The following TYW1B variants were observed in gnomAD, a reference collection of about 807,000 sequenced individuals.
The protein encoded by TYW1B is S-adenosyl-L-methionine-dependent tRNA 4-demethylwyosine synthase TYW1B.
A neutral mutation model predicts 86.9 loss-of-function variants in TYW1B; 73 were observed. That is an observed-to-expected ratio of 0.84 (90% CI 0.70 to 1.02). The LOEUF (loss-of-function observed/expected upper bound fraction) is 1.02, where lower values mean the gene tolerates loss of function less well. TYW1B is among the 50% of genes least tolerant of loss of function. TYW1B has a pLI of 0.00. For missense variants in TYW1B, 637 were observed against 827.4 expected (o/e 0.77, Z 2.82); for synonymous variants, 248 against 292.8 (o/e 0.85, Z 1.56).
chr7:72,702,347 C>T (rs1814494971), intron 10 of TYW1B, among the ~76,000 whole-genome samples: 1 of 152,114 alleles, frequency 6.6e-6, no homozygotes, highest in Admixed American at 6.6e-5. Flanking sequence ...CCCACAGCTG[C>T]CGGGCTGCTG....
intron 3 of TYW1B, 78 bp from the exon 4 acceptor site, chr7:72,810,743 G>A: frequency 1.3e-6 from 2 of 1,502,524 alleles, no homozygotes; most frequent in Non-Finnish European, 1.8e-6. Flanking sequence ...TTGAAAAAAA[G>A]CATACTCATC....
chr7:72,588,744 T>C (rs1190901239), intron 13 of TYW1B, among the ~76,000 whole-genome samples: 1 of 152,168 alleles, frequency 6.6e-6, no homozygotes, highest in Admixed American at 6.5e-5. Context: ...TTGTTCAAAG[T>C]AGACTTTGTA....
chr7:72,822,162 C>CAAAAAAAA (rs782637112), intron 2 of TYW1B, among the ~76,000 whole-genome samples: 2 of 36,334 alleles, frequency 5.5e-5, no homozygotes, highest in African/African-American at 1.1e-4. Context: ...GACCCTGTCT[C>CAAAAAAAA]AAAAAAAAAA....
rs879965424 is a variant in TYW1B at position 72,615,322 on chromosome 7, G to A, written c.1785+1350C>T. ...CAATGGTTTTGAAAGATGCCTTGTA[G>A]TATAAAAAAGATCAATGGACTAGAG... On this transcript the variant is annotated intron_variant, in intron 13 of 13. Coordinates refer to ENST00000620995, the MANE Select transcript of TYW1B (RefSeq NM_001145440.3). Among the ~76,000 whole-genome samples the A allele has an allele frequency of 9.2e-5, 14 of 152,318 alleles. No homozygotes were observed. In the Middle Eastern group the frequency reaches 0.014, roughly 148 times the overall value.
chr7:72,791,495 A>C lies in TYW1B; in HGVS notation c.846+10905T>G, dbSNP rs533424199. ...GCCTTGGACTTAAGAACAATAGAACAGGACGGGCACAGTGGCTCACGCCTG... is the reference window on the plus strand; with the variant it reads ...GCCTTGGACTTAAGAACAATAGAACCGGACGGGCACAGTGGCTCACGCCTG... On this transcript the variant is annotated intron_variant, in intron 6 of 13. Transcript: ENST00000620995. Among the ~76,000 whole-genome samples, 536 of 152,064 alleles carry C rather than the reference A, an allele frequency of 3.5e-3. 14 individuals carry two copies. Among genetic ancestry groups the C allele is most frequent in the Admixed American group, 0.027 (405 of 15,242 alleles).
chr7:72,781,704 A>AT (rs372448061), intron 6 of TYW1B, among the ~76,000 whole-genome samples: 33 of 152,282 alleles, frequency 2.2e-4, no homozygotes, highest in African/African-American at 7.5e-4. Context: ...GGACGACGGC[A>AT]AAAGCCAAAC....
chr7:72,739,944 G>A (rs1160863733), intron 8 of TYW1B, among the ~76,000 whole-genome samples: 2 of 146,738 alleles, frequency 1.4e-5, no homozygotes, highest in African/African-American at 2.5e-5. Context: ...TTAAAAGAGT[G>A]TTCCAGGCCG....
chr7:72,716,056 G>A (rs575201382), intron 9 of TYW1B, among the ~76,000 whole-genome samples: 125 of 152,066 alleles, frequency 8.2e-4, no homozygotes, highest in African/African-American at 2.9e-3. Context: ...TCAGCCTCCC[G>A]AGTAGCTGGG....
At chr7:72,774,998 T>G (rs1787931307) in intron 7 of TYW1B, among the ~76,000 whole-genome samples, 1 of 152,052 alleles carries the variant, frequency 6.6e-6, no homozygotes, top group Non-Finnish European at 1.5e-5. Context: ...CTTCTAGAAA[T>G]GAAAACTACA....
chr7:72,806,651 T>G (rs1404156044), intron 5 of TYW1B, among the ~76,000 whole-genome samples: 6 of 151,738 alleles, frequency 4.0e-5, no homozygotes, highest in Non-Finnish European at 8.8e-5. Context: ...TTTTGTTATT[T>G]TTTCTGTCTT....
chr7:72,634,344 T>C (rs1812616865), intron 11 of TYW1B, among the ~76,000 whole-genome samples: 2 of 144,150 alleles, frequency 1.4e-5, no homozygotes, highest in South Asian at 4.5e-4. Flanking sequence ...ACTCCTAGCT[T>C]TTTTTTTTTT....
At chr7:72,671,664 T>A (rs1353410755) in intron 11 of TYW1B, among the ~76,000 whole-genome samples, 1 of 152,202 alleles carries the variant, frequency 6.6e-6, no homozygotes, top group Non-Finnish European at 1.5e-5. Flanking sequence ...TTAAAGGATT[T>A]CTTTTCCTTA....
chr7:72,601,591 G>C (rs1811668205), intron 13 of TYW1B, among the ~76,000 whole-genome samples: 2 of 151,764 alleles, frequency 1.3e-5, no homozygotes, highest in African/African-American at 4.8e-5. Context: ...GTTCATAATT[G>C]TCCCAAACTG....
rs373421933 is a variant in TYW1B at position 72,650,241 on chromosome 7, C to T, written c.1507-21244G>A. 7.9e-5 allele frequency among the ~76,000 whole-genome samples: 12 copies of T among 152,074 alleles called. No individual in the cohort carries two copies. The East Asian group carries it at 2.3e-3, about 29-fold the overall frequency. Reference sequence around the variant, plus strand: ...GAATGTTTTTAACCCATCAATTAACCTCCCTGTGCCGAAGCTTGGTCTTGC... The same window carrying T: ...GAATGTTTTTAACCCATCAATTAACTTCCCTGTGCCGAAGCTTGGTCTTGC... On this transcript the variant is annotated intron_variant, in intron 11 of 13. Coordinates refer to ENST00000620995, the MANE Select transcript of TYW1B (RefSeq NM_001145440.3).
chr7:72,689,954 G>C (rs1814102466), intron 11 of TYW1B, among the ~76,000 whole-genome samples: 1 of 152,082 alleles, frequency 6.6e-6, no homozygotes, highest in South Asian at 2.1e-4. Flanking sequence ...ATTAGATAGA[G>C]GGCTATCTCA....
chr7:72,635,324 T>C (rs1353333065), intron 11 of TYW1B, among the ~76,000 whole-genome samples: 1 of 152,236 alleles, frequency 6.6e-6, no homozygotes, highest in East Asian at 1.9e-4. Context: ...TTAATTACTG[T>C]TGCTTTACAC....
At chr7:72,675,624 A>T (rs1414576835) in intron 11 of TYW1B, among the ~76,000 whole-genome samples, 1 of 151,392 alleles carries the variant, frequency 6.6e-6, no homozygotes, top group East Asian at 1.9e-4. Flanking sequence ...GTATATACAC[A>T]CACACATACT....
At chr7:72,671,011 T>A (rs1319847770) in intron 11 of TYW1B, among the ~76,000 whole-genome samples, 15 of 152,218 alleles carry the variant, frequency 9.9e-5, no homozygotes, top group African/African-American at 3.6e-4. Flanking sequence ...ATTGATTCAC[T>A]CAGCAAATAT....
intron 7 of TYW1B, among the ~76,000 whole-genome samples, chr7:72,771,712 A>T (rs1159174855): frequency 5.4e-5 from 8 of 149,190 alleles, no homozygotes; most frequent in Admixed American, 4.0e-4. Context: ...ATTTAGCAAA[A>T]TTTTTTTTTT....
Sources: gnomAD v4.1 joint callset for allele counts (sites outside exome capture counted in the v4.1 genomes callset) on GRCh38, gnomAD v4.1.1 for gene constraint, MANE v1.5 for transcripts, NCBI Gene and HGNC (gene_info 2026-07-23, HGNC 2026-07-21) for gene names.